Variants in ECHDC3 observed in about 807,000 individuals in gnomAD.
The protein encoded by ECHDC3 is enoyl-CoA hydratase domain containing 3, also known as enoyl-CoA hydratase domain-containing protein 3, mitochondrial.
A neutral mutation model predicts 17.9 loss-of-function variants in ECHDC3; 20 were observed. The ratio of observed to expected loss-of-function variants is 1.12; its 90% confidence interval spans 0.79 to 1.63. The LOEUF (loss-of-function observed/expected upper bound fraction) is 1.63, where lower values mean the gene tolerates loss of function less well. Ranked by LOEUF, ECHDC3 falls within the 40% of genes most tolerant of loss-of-function variation. The probability of loss-of-function intolerance (pLI) is 0.00; values close to 1 mark genes in which losing one functional copy is unlikely to be tolerated. For synonymous variants in ECHDC3, 177 were observed against 149.7 expected (o/e 1.18, Z -1.33); for missense variants, 407 against 357.7 (o/e 1.14, Z -1.11).
rs140014443 is a variant in ECHDC3 at position 11,747,292 on chromosome 10, G to A, written c.171-57G>A. On this transcript the variant is annotated intron_variant, in intron 1 of 4. Transcript: ENST00000379215. ...TCCTAAATTAGACAGGAATCGCAGG[G>A]GTCCTCACTTGTTTTGACTGGTGTG... 9.6e-3 allele frequency: 15,321 copies of A among 1,592,144 alleles called. 104 individuals are homozygous for A. The highest frequency in any genetic ancestry group is 0.012 in the Non-Finnish European group (13,836 of 1,168,864).
intron 4 of ECHDC3, among the ~76,000 whole-genome samples, chr10:11,761,736 A>AAGAGCC (rs1832954094): frequency 6.6e-6 from 1 of 152,252 alleles, no homozygotes; most frequent in East Asian, 1.9e-4. Context: ...TCCCAAGAGC[A>AAGAGCC]AGAGCCAGAG....
At chr10:11,745,632 C>T (rs1832750629) in intron 1 of ECHDC3, among the ~76,000 whole-genome samples, 1 of 152,078 alleles carries the variant, frequency 6.6e-6, no homozygotes, top group South Asian at 2.1e-4. Context: ...TCCGGAAAAC[C>T]ATGACACAGA....
At chr10:11,748,241 T>A (rs927922409) in intron 2 of ECHDC3, among the ~76,000 whole-genome samples, 2 of 150,648 alleles carry the variant, frequency 1.3e-5, no homozygotes, top group African/African-American at 4.9e-5. Flanking sequence ...TTTTTTTTTT[T>A]ATTTGATACA....
chr10:11,750,552 A>T (rs1832812404), intron 3 of ECHDC3, among the ~76,000 whole-genome samples: 1 of 152,190 alleles, frequency 6.6e-6, no homozygotes, highest in South Asian at 2.1e-4. Flanking sequence ...CATGAAATCA[A>T]CCCCTTGGGT....
intron 4 of ECHDC3, among the ~76,000 whole-genome samples, chr10:11,760,000 C>T (rs1252353768): frequency 2.0e-5 from 3 of 152,254 alleles, no homozygotes; most frequent in African/African-American, 2.4e-5. Context: ...AACTCAGGTA[C>T]ATCTGGCTCA....
chr10:11,744,562 G>A (rs1465150662), intron 1 of ECHDC3, among the ~76,000 whole-genome samples: 1 of 152,030 alleles, frequency 6.6e-6, no homozygotes, highest in African/African-American at 2.4e-5. Flanking sequence ...ACATGCTCTG[G>A]TGGTGACCTC....
intron 4 of ECHDC3, among the ~76,000 whole-genome samples, chr10:11,761,213 C>T (rs1832946920): frequency 6.6e-6 from 1 of 152,202 alleles, no homozygotes; most frequent in South Asian, 2.1e-4. Flanking sequence ...ATCCGTGGTT[C>T]TAAACTGGGA....
rs985708471 is a variant in ECHDC3, at chr10:11,763,300, T to C, written c.668T>C (p.Val223Ala). 2.6e-6 allele frequency: 2 copies of C among 780,226 alleles called. No homozygotes were observed. The highest frequency in any genetic ancestry group is 4.8e-6 in the Non-Finnish European group (2 of 418,070). 48.3% of individuals were successfully genotyped at this position (780,226 alleles called of 1,614,324 possible). A position where few individuals can be genotyped will look rare whatever the true frequency, so the allele number is the denominator to read the frequency against. The stretch of plus-strand genomic sequence containing the variant: ...CTGCTCCACGGGCTGCTTAGCAAGG[T>C]GGTGCCAGAGGCGGAGCTGCAGGAG... Reference protein sequence around the residue: ...EALLHGLLSKVVPEAELQEET... With the variant: ...EALLHGLLSKAVPEAELQEET... The change falls in exon 5 of 5, where the codon GTG (valine) becomes GCG (alanine). Residue 223 changes from valine to alanine, a missense_variant. By Grantham distance (64) the Val-to-Ala change is moderately conservative (BLOSUM62 0). Transcript: ENST00000379215. The surrounding 1 kb of genome is among the most constrained non-coding windows in gnomAD (Gnocchi z 4.9).
At chr10:11,758,359 C>T (rs7101214) in intron 4 of ECHDC3, among the ~76,000 whole-genome samples, 142,375 of 152,280 alleles carry the variant, frequency 0.93, 67,365 homozygotes, top group East Asian at 1. Flanking sequence ...CTCAAGCAGC[C>T]GGCCTCACTG....
intron 1 of ECHDC3, among the ~76,000 whole-genome samples, chr10:11,744,428 T>C (rs1367516691): frequency 6.6e-6 from 1 of 151,438 alleles, no homozygotes; most frequent in African/African-American, 2.5e-5. Flanking sequence ...AGATATTGAG[T>C]GTCTTCTCTG....
At chr10:11,755,362 G>A (rs75280822) in intron 3 of ECHDC3, 46 bp from the exon 4 acceptor site, 20,876 of 1,397,854 alleles carry the variant, frequency 0.015, 375 homozygotes, top group South Asian at 0.063. Flanking sequence ...CGTTAATGTC[G>A]TGCCTCCCTC....
At chr10:11,751,309 C>T in intron 3 of ECHDC3, among the ~76,000 whole-genome samples, 1 of 152,148 alleles carries the variant, frequency 6.6e-6, no homozygotes, top group East Asian at 1.9e-4. Flanking sequence ...CTTGGAAGCC[C>T]CTAACCCTTG....
At chr10:11,750,332 A>G (rs1426147253) in intron 3 of ECHDC3, among the ~76,000 whole-genome samples, 1 of 152,254 alleles carries the variant, frequency 6.6e-6, no homozygotes, top group African/African-American at 2.4e-5. Flanking sequence ...TAAATGGGAA[A>G]GAACATTAAT....
Position 11,742,433 on chromosome 10 carries a change from CA to C in ECHDC3, c.-143del, listed in dbSNP as rs1176698887. On this transcript the variant is annotated 5_prime_UTR_variant, in exon 1 of 5. Transcript: ENST00000379215. Reference sequence around the variant, plus strand: ...GCGTCCCCGCGAAGCCTGGGCCTGTCAGGCGGTTCCGTCCGGGTCTCGGCCA... The same window carrying C: ...GCGTCCCCGCGAAGCCTGGGCCTGTCGGCGGTTCCGTCCGGGTCTCGGCCA... 8.9e-6 allele frequency: 7 copies of C among 786,588 alleles called. No homozygotes were observed. The highest frequency in any genetic ancestry group is 1.2e-5 in the Non-Finnish European group (7 of 593,578). The allele number at this position is 786,588 out of a possible 1,614,324, so 48.7% of individuals were successfully genotyped here.
At chr10:11,754,116 C>A (rs1023118470) in intron 3 of ECHDC3, among the ~76,000 whole-genome samples, 33 of 152,052 alleles carry the variant, frequency 2.2e-4, no homozygotes, top group African/African-American at 7.5e-4. Context: ...CAAAAGGAGA[C>A]CTCCCCCAAA....
chr10:11,747,812 G>A (rs777889806), intron 2 of ECHDC3, among the ~76,000 whole-genome samples: 4 of 152,094 alleles, frequency 2.6e-5, no homozygotes, highest in East Asian at 1.9e-4. Context: ...ATCCTTTGGC[G>A]CATTTGATTG....
intron 3 of ECHDC3, among the ~76,000 whole-genome samples, chr10:11,750,181 G>C (rs1451858397): frequency 1.3e-5 from 2 of 152,172 alleles, no homozygotes; most frequent in African/African-American, 4.8e-5. Flanking sequence ...GGTACTCATA[G>C]TTGCCATGTC....
intron 3 of ECHDC3, 79 bp from the exon 4 acceptor site, chr10:11,755,323 CAAAAAA>C (rs35696123): frequency 2.4e-3 from 1,866 of 780,388 alleles, no homozygotes; most frequent in East Asian, 4.7e-3. Context: ...GAGACTCTGT[CAAAAAA>C]AAAAAAAAAA....
chr10:11,763,096 A>G lies in ECHDC3; in HGVS notation c.592-128A>G. The G allele has an allele frequency of 1.6e-6, 1 of 611,438 alleles. No individual in the cohort carries two copies. Among genetic ancestry groups the G allele is most frequent in the Non-Finnish European group, 2.9e-6 (1 of 340,096 alleles). The allele number at this position is 611,438 out of a possible 1,614,324, so 37.9% of individuals were successfully genotyped here. On this transcript the variant is annotated intron_variant, in intron 4 of 4. Transcript: ENST00000379215. The surrounding 1 kb of genome is among the most constrained non-coding windows in gnomAD (Gnocchi z 4.9). Reference sequence around the variant, plus strand: ...TCTCCTCCCGGGCAGGAGTTAGGGCACTGAAGACGTCAGGGCTGGCGGATG... The same window carrying G: ...TCTCCTCCCGGGCAGGAGTTAGGGCGCTGAAGACGTCAGGGCTGGCGGATG...
Sources: gnomAD v4.1 joint callset for allele counts (sites outside exome capture counted in the v4.1 genomes callset) on GRCh38, gnomAD v4.1.1 for gene constraint, Gnocchi (gnomAD v3.1) non-coding constraint, MANE v1.5 for transcripts, NCBI Gene and HGNC (gene_info 2026-07-23, HGNC 2026-07-21) for gene names.